PHLDB2: variants seen among roughly 807,000 people sequenced by gnomAD.
The protein encoded by PHLDB2 is pleckstrin homology-like domain family B member 2.
PHLDB2 carries 71 observed loss-of-function variants against 123.6 expected under a neutral mutation model. The ratio of observed to expected loss-of-function variants is 0.57; its 90% CI spans 0.47 to 0.70. PHLDB2 has a LOEUF of 0.70. Ranked by LOEUF, PHLDB2 falls within the 30% of genes least tolerant of loss-of-function variation. The pLI is 0.00. For missense variants in PHLDB2, 1,446 were observed against 1,519.5 expected (o/e 0.95, Z 0.80); for synonymous variants, 547 against 541.6 (o/e 1.01, Z -0.14).
At chr3:111,919,491 G>C (rs1014041664) in intron 4 of PHLDB2, among the ~76,000 whole-genome samples, 2 of 151,724 alleles carry the variant, frequency 1.3e-5, no homozygotes, top group African/African-American at 4.9e-5. Context: ...CGTGCTTTCT[G>C]ACCTGACCTA....
At chr3:111,860,757 C>T (rs2064795712) in intron 1 of PHLDB2, among the ~76,000 whole-genome samples, 1 of 152,192 alleles carries the variant, frequency 6.6e-6, no homozygotes, top group African/African-American at 2.4e-5. Context: ...TGCCCTCTTC[C>T]CTAGAAATCT....
rs1453315530 is a variant in PHLDB2, at chr3:111,796,676, G to A, written c.-48-49145G>A. Among the ~76,000 whole-genome samples the A allele has an allele frequency of 2.6e-5, 4 of 152,132 alleles. No individual in the cohort carries two copies. In the East Asian group the frequency reaches 7.7e-4, roughly 29 times the overall value. On this transcript the variant is annotated intron_variant, in intron 1 of 17. Transcript: ENST00000393923. The stretch of plus-strand genomic sequence containing the variant: ...AGTCACCTGAGTAGCTGGGATTACA[G>A]GCATGCATCTGGCTAATTTTTGGTA...
intron 1 of PHLDB2, among the ~76,000 whole-genome samples, chr3:111,774,032 C>A (rs1379245347): frequency 6.6e-6 from 1 of 152,224 alleles, no homozygotes; most frequent in Non-Finnish European, 1.5e-5. Flanking sequence ...AAGGTTTCTT[C>A]TTCACTTAGC....
In PHLDB2 at chr3:111,976,254, C is replaced by T. The variant is rs1282788494; in HGVS notation, c.*1691C>T. On this transcript the variant is annotated 3_prime_UTR_variant, in exon 18 of 18. Coordinates refer to ENST00000431670, the MANE Select transcript of PHLDB2 (RefSeq NM_001134438.2). ...GGATTAAAATGTTGACATGATTTCACATTTGAAAATAAACTCATCTCTTAT... is the reference window on the plus strand; with the variant it reads ...GGATTAAAATGTTGACATGATTTCATATTTGAAAATAAACTCATCTCTTAT... The T allele has an allele frequency of 6.6e-6, 1 of 152,188 alleles. No individual in the cohort carries two copies. Among genetic ancestry groups the T allele is most frequent in the Non-Finnish European group, 1.5e-5 (1 of 68,016 alleles). The allele number at this position is 152,188 out of a possible 1,614,324, so 9.4% of individuals were successfully genotyped here.
Position 111,884,602 on chromosome 3 carries a change from G to T in PHLDB2, c.525G>T (p.Ser175=). The change falls in exon 2 of 18, where the codon TCG becomes TCT. Residue 175 remains serine (S), a synonymous_variant. Coordinates refer to ENST00000431670, the MANE Select transcript of PHLDB2 (RefSeq NM_001134438.2). ...GGLEGRKASG[S]LLAMWNGSSL... ...TGGAAGGTCGGAAGGCATCTGGCTCGCTCCTGGCCATGTGGAATGGAAGTT... is the reference window on the plus strand; with the variant it reads ...TGGAAGGTCGGAAGGCATCTGGCTCTCTCCTGGCCATGTGGAATGGAAGTT... 1 of 1,614,076 alleles carries T rather than the reference G, an allele frequency of 6.2e-7. No homozygotes were observed. The highest frequency in any genetic ancestry group is 2.2e-5 in the East Asian group (1 of 44,866).
chr3:111,779,800 T>C, intron 1 of PHLDB2: 1 of 934,528 alleles, frequency 1.1e-6, no homozygotes, highest in South Asian at 4.9e-5. Flanking sequence ...AAGAGGACTC[T>C]GACCTCCATC....
rs78017264 is a variant in PHLDB2 at position 111,792,558 on chromosome 3, T to G, written c.-48-53263T>G. On this transcript the variant is annotated intron_variant, in intron 1 of 17. Coordinates refer to the PHLDB2 transcript ENST00000393923. ...TCCATCCCTACAAAAAATTTTAAAATTCGCCAAGTGTAGTGGCACACATCT... is the reference window on the plus strand; with the variant it reads ...TCCATCCCTACAAAAAATTTTAAAAGTCGCCAAGTGTAGTGGCACACATCT... 4.0e-3 allele frequency among the ~76,000 whole-genome samples: 611 copies of G among 152,090 alleles called. 5 individuals carry two copies. Among genetic ancestry groups the G allele is most frequent in the African/African-American group, 0.014 (585 of 41,478 alleles).
intron 1 of PHLDB2, among the ~76,000 whole-genome samples, chr3:111,871,635 C>T (rs566448287): frequency 6.6e-6 from 1 of 150,936 alleles, no homozygotes. Context: ...GCCTGGGTGA[C>T]AGACCCTGTT....
intron 1 of PHLDB2, among the ~76,000 whole-genome samples, chr3:111,766,816 T>A (rs1400786733): frequency 6.6e-6 from 1 of 152,060 alleles, no homozygotes; most frequent in African/African-American, 2.4e-5. Flanking sequence ...GTGAAACACC[T>A]GAGATCAGGA....
intron 1 of PHLDB2, among the ~76,000 whole-genome samples, chr3:111,766,656 C>A (rs2060086994): frequency 6.6e-6 from 1 of 152,018 alleles, no homozygotes; most frequent in Non-Finnish European, 1.5e-5. Flanking sequence ...TAAGATGAGT[C>A]ATTTATTTAT....
At chr3:111,838,571 C>T (rs73855646) in intron 1 of PHLDB2, among the ~76,000 whole-genome samples, 9 of 152,090 alleles carry the variant, frequency 5.9e-5, no homozygotes, top group Non-Finnish European at 8.8e-5. Context: ...AATTTGATTA[C>T]CATAAAAATA....
intron 1 of PHLDB2, among the ~76,000 whole-genome samples, chr3:111,773,177 A>G (rs1186762269): frequency 6.6e-6 from 1 of 152,232 alleles, no homozygotes; most frequent in Non-Finnish European, 1.5e-5. Context: ...GCAGTCTGAG[A>G]ACCACTTTTA....
chr3:111,948,825 C>A, intron 9 of PHLDB2, 107 bp from the exon 10 acceptor site: 1 of 982,946 alleles, frequency 1.0e-6, no homozygotes, highest in Non-Finnish European at 1.5e-6. Flanking sequence ...CCACAGATAT[C>A]TGGCTGTGCC....
chr3:111,867,571 G>A (rs370733767), intron 1 of PHLDB2, among the ~76,000 whole-genome samples: 4 of 151,760 alleles, frequency 2.6e-5, no homozygotes, highest in Non-Finnish European at 4.4e-5. Context: ...TATTTCATTC[G>A]TAAATAATTT....
intron 1 of PHLDB2, among the ~76,000 whole-genome samples, chr3:111,790,016 G>T (rs1427722926): frequency 6.6e-6 from 1 of 152,160 alleles, no homozygotes. Context: ...GTGCTATCAT[G>T]ACTCCATGGG....
chr3:111,922,523 G>GAATT (rs1015127528), intron 5 of PHLDB2, among the ~76,000 whole-genome samples: 1 of 152,282 alleles, frequency 6.6e-6, no homozygotes, highest in African/African-American at 2.4e-5. Flanking sequence ...AGCTATGAGG[G>GAATT]AATTAGTTGG....
intron 15 of PHLDB2, 29 bp from the exon 16 acceptor site, chr3:111,969,661 T>C (rs1296198750): frequency 6.4e-7 from 1 of 1,561,342 alleles, no homozygotes; most frequent in East Asian, 2.2e-5. Flanking sequence ...TAATTAGCTA[T>C]AGATGCAATG....
At chr3:111,974,272 G>C in intron 17 of PHLDB2, 151 bp from the exon 18 acceptor site, 1 of 638,518 alleles carries the variant, frequency 1.6e-6, no homozygotes, top group Middle Eastern at 4.6e-4. Flanking sequence ...AAAGGCTCTG[G>C]GACAGGTGTG....
intron 1 of PHLDB2, among the ~76,000 whole-genome samples, chr3:111,776,836 A>G (rs1364589188): frequency 1.3e-5 from 2 of 152,206 alleles, no homozygotes; most frequent in Admixed American, 1.3e-4. Flanking sequence ...TTTCTCAGGT[A>G]GAGAAGATAG....
Sources: allele counts gnomAD v4.1 joint callset (sites outside exome capture counted in the v4.1 genomes callset), GRCh38; gene constraint gnomAD v4.1.1; transcripts MANE v1.5; gene names NCBI Gene and HGNC (gene_info 2026-07-23, HGNC 2026-07-21).